The following SWT1 variants were observed in gnomAD, a reference collection of about 807,000 sequenced individuals.
SWT1 encodes SWT1 RNA endoribonuclease homolog, also known as transcriptional protein SWT1.
A neutral mutation model predicts 107.3 loss-of-function variants in SWT1; 33 were observed. The observed-to-expected ratio is 0.31, with a 90% CI of 0.23 to 0.41. The LOEUF is 0.41. Ranked by LOEUF, SWT1 falls within the 10% of genes least tolerant of loss-of-function variation. The probability of loss-of-function intolerance (pLI) is 1.00; values close to 1 mark genes in which losing one functional copy is unlikely to be tolerated. For synonymous variants in SWT1, 345 were observed against 348.3 expected (o/e 0.99, Z 0.11); for missense variants, 898 against 1,028.9 (o/e 0.87, Z 1.74).
intron 15 of SWT1, among the ~76,000 whole-genome samples, chr1:185,225,044 A>G (rs1463786316): frequency 6.6e-6 from 1 of 152,032 alleles, no homozygotes; most frequent in African/African-American, 2.4e-5. Flanking sequence ...TATGATGTTA[A>G]CTATGGGTTT....
At chr1:185,259,355 A>G (rs921107572) in intron 16 of SWT1, among the ~76,000 whole-genome samples, 1 of 152,132 alleles carries the variant, frequency 6.6e-6, no homozygotes, top group African/African-American at 2.4e-5. Flanking sequence ...TGCAGGAATA[A>G]ATAGAGAGGA....
intron 16 of SWT1, chr1:185,263,394 A>G (rs1004623264): frequency 1.3e-5 from 2 of 152,222 alleles, no homozygotes; most frequent in Non-Finnish European, 2.9e-5. Context: ...TTAGGATCCC[A>G]TGGTCCCCCG....
At chr1:185,218,059 C>T (rs543350073) in intron 14 of SWT1, among the ~76,000 whole-genome samples, 1 of 152,254 alleles carries the variant, frequency 6.6e-6, no homozygotes, top group Non-Finnish European at 1.5e-5. Context: ...GGGACTGATG[C>T]TTTAAAATAT....
chr1:185,281,352 T>C (rs1266343085), intron 18 of SWT1: 1 of 236,316 alleles, frequency 4.2e-6, no homozygotes, highest in Non-Finnish European at 8.6e-6. Flanking sequence ...CAAAAACATT[T>C]GAGCATGTGA....
chr1:185,247,968 A>C (rs937698215), intron 16 of SWT1, among the ~76,000 whole-genome samples: 1 of 152,072 alleles, frequency 6.6e-6, no homozygotes, highest in Admixed American at 6.6e-5. Flanking sequence ...TTCCTAAATT[A>C]ATAGTTATTT....
chr1:185,170,214 A>G (rs2102326726), intron 4 of SWT1, among the ~76,000 whole-genome samples: 1 of 152,344 alleles, frequency 6.6e-6, no homozygotes, highest in Non-Finnish European at 1.5e-5. Flanking sequence ...CCTGAATTTT[A>G]TACACCGTAA....
In SWT1 at chr1:185,175,202, G is replaced by GTT. The variant is rs377403489; in HGVS notation, c.966+103_966+104dup. ...TTTCTGTATTTCTATATTTTTTTCT[G>GTT]TTTTTTTTTTTTTTTGTTGTTGTTT... On this transcript the variant is annotated intron_variant, in intron 5 of 18. Transcript: ENST00000367500. The GTT allele has an allele frequency of 9.3e-3, 6,621 of 711,574 alleles. 8 individuals are homozygous for GTT. The highest frequency in any genetic ancestry group is 0.019 in the African/African-American group (1,000 of 51,948). The allele number at this position is 711,574 out of a possible 1,614,324, so 44.1% of individuals were successfully genotyped here. A position where few individuals can be genotyped will look rare whatever the true frequency, so the allele number is the denominator to read the frequency against.
At chr1:185,194,799 A>G (rs1421190246) in intron 10 of SWT1, among the ~76,000 whole-genome samples, 1 of 152,070 alleles carries the variant, frequency 6.6e-6, no homozygotes, top group Non-Finnish European at 1.5e-5. Context: ...CTTTTCCATT[A>G]GAACCTTTAA....
At chr1:185,220,966 T>C (rs546547372) in intron 14 of SWT1, among the ~76,000 whole-genome samples, 1 of 152,346 alleles carries the variant, frequency 6.6e-6, no homozygotes, top group Non-Finnish European at 1.5e-5. Flanking sequence ...TGTTTGACTT[T>C]TACTGAGTAA....
At chr1:185,182,151 T>G (rs776747706) in intron 7 of SWT1, 94 bp downstream of exon 7, 1 of 1,280,264 alleles carries the variant, frequency 7.8e-7, no homozygotes, top group African/African-American at 1.5e-5. Context: ...ATGAAAAATG[T>G]TAAAATGTGC....
chr1:185,285,059 G>C (rs1664869541), intron 18 of SWT1, among the ~76,000 whole-genome samples: 1 of 152,014 alleles, frequency 6.6e-6, no homozygotes, highest in South Asian at 2.1e-4. Context: ...CACTTCCCAG[G>C]TACCTCCACT....
intron 15 of SWT1, among the ~76,000 whole-genome samples, chr1:185,230,464 T>G (rs1250010031): frequency 1.3e-5 from 2 of 152,114 alleles, no homozygotes; most frequent in African/African-American, 4.8e-5. Context: ...CATCTCTGCC[T>G]TTTTCTTCAC....
chr1:185,163,571 T>C (rs904188227), intron 2 of SWT1, among the ~76,000 whole-genome samples: 6 of 152,060 alleles, frequency 3.9e-5, no homozygotes, highest in African/African-American at 1.5e-4. Context: ...TTTTTTAATA[T>C]TTTTAGTAGA....
chr1:185,260,684 A>AG (rs1187177759), intron 16 of SWT1, among the ~76,000 whole-genome samples: 3 of 152,192 alleles, frequency 2.0e-5, no homozygotes, highest in Non-Finnish European at 2.9e-5. Context: ...TTGTAGCTAG[A>AG]GGAGATCACA....
At chr1:185,286,271 T>C (rs1190638492) in intron 18 of SWT1, among the ~76,000 whole-genome samples, 2 of 152,068 alleles carry the variant, frequency 1.3e-5, no homozygotes, top group Non-Finnish European at 2.9e-5. Context: ...TCGCCCAGAC[T>C]GGATTGCAGT....
At chr1:185,241,523 C>T (rs181797119) in intron 16 of SWT1, among the ~76,000 whole-genome samples, 1 of 152,190 alleles carries the variant, frequency 6.6e-6, no homozygotes, top group East Asian at 1.9e-4. Flanking sequence ...AATGAAAAGA[C>T]TTAGTTGCTT....
intron 18 of SWT1, among the ~76,000 whole-genome samples, chr1:185,288,540 CAA>C (rs1665077518): frequency 6.6e-6 from 1 of 152,108 alleles, no homozygotes; most frequent in Non-Finnish European, 1.5e-5. Context: ...TACTCTCCAT[CAA>C]GAGATCTGTC....
At chr1:185,202,395 A>C in intron 10 of SWT1, among the ~76,000 whole-genome samples, 1 of 152,080 alleles carries the variant, frequency 6.6e-6, no homozygotes, top group East Asian at 1.9e-4. Flanking sequence ...CCATCTGTGA[A>C]ATGGGGGTAA....
chr1:185,276,314 T>C (rs2102751965), intron 17 of SWT1, among the ~76,000 whole-genome samples: 1 of 152,272 alleles, frequency 6.6e-6, no homozygotes, highest in Admixed American at 6.5e-5. Context: ...CTGTCTGCAG[T>C]TTATAATCTT....
Sources: gnomAD v4.1 joint callset for allele counts (sites outside exome capture counted in the v4.1 genomes callset) on GRCh38, gnomAD v4.1.1 for gene constraint, MANE v1.5 for transcripts, NCBI Gene and HGNC (gene_info 2026-07-23, HGNC 2026-07-21) for gene names.